The following FHIT variants were observed in gnomAD, a reference collection of about 807,000 sequenced individuals.
The protein encoded by FHIT is fragile histidine triad diadenosine triphosphatase.
In FHIT, 19 loss-of-function variants were observed where a neutral mutation model predicts 17.9. The observed-to-expected ratio is 1.06, with a 90% CI of 0.74 to 1.56. FHIT has a LOEUF of 1.56. Ranked by LOEUF, FHIT falls within the 40% of genes most tolerant of loss-of-function variation. FHIT has a pLI of 0.00. For missense variants in FHIT, 248 were observed against 189.2 expected (o/e 1.31, Z -1.82); for synonymous variants, 81 against 69.7 (o/e 1.16, Z -0.81).
intron 8 of FHIT, among the ~76,000 whole-genome samples, chr3:59,856,358 T>C (rs1401479522): frequency 3.3e-5 from 5 of 152,248 alleles, no homozygotes; most frequent in Admixed American, 3.3e-4. Context: ...CAGGTGATTT[T>C]ACACGCAAAT....
intron 4 of FHIT, among the ~76,000 whole-genome samples, chr3:60,564,459 C>G (rs1200001072): frequency 6.6e-6 from 1 of 152,158 alleles, no homozygotes; most frequent in African/African-American, 2.4e-5. Context: ...AAGGCTATAA[C>G]TGTCATGGAC....
chr3:60,346,422 G>A (rs1328479861), intron 5 of FHIT, among the ~76,000 whole-genome samples: 1 of 152,144 alleles, frequency 6.6e-6, no homozygotes, highest in Non-Finnish European at 1.5e-5. Flanking sequence ...GCCCAAAGCA[G>A]ACTGGAGCCA....
chr3:60,052,158 T>A (rs1320917347), intron 5 of FHIT, among the ~76,000 whole-genome samples: 3 of 152,170 alleles, frequency 2.0e-5, no homozygotes, highest in Admixed American at 2.0e-4. Context: ...GAATGTAGGA[T>A]GGCCACTCTT....
intron 5 of FHIT, among the ~76,000 whole-genome samples, chr3:60,323,328 T>C (rs1709519436): frequency 6.6e-6 from 1 of 152,078 alleles, no homozygotes; most frequent in Non-Finnish European, 1.5e-5. Context: ...GCCAACTACA[T>C]GGATAATAAA....
chr3:61,058,204 A>T (rs567034943), intron 2 of FHIT, among the ~76,000 whole-genome samples: 1 of 152,244 alleles, frequency 6.6e-6, no homozygotes, highest in African/African-American at 2.4e-5. Context: ...TAGGTCTATG[A>T]TTATATAAGC....
At chr3:59,926,322 A>C (rs1057501190) in intron 7 of FHIT, among the ~76,000 whole-genome samples, 6 of 152,218 alleles carry the variant, frequency 3.9e-5, no homozygotes. Flanking sequence ...GATTCACTCA[A>C]AAATATCTAT....
intron 5 of FHIT, among the ~76,000 whole-genome samples, chr3:60,433,503 A>C (rs1327393997): frequency 6.6e-6 from 1 of 152,054 alleles, no homozygotes; most frequent in Non-Finnish European, 1.5e-5. Flanking sequence ...AGTTTTCTAT[A>C]ATCATTGCAT....
Position 60,462,078 on chromosome 3 carries a change from G to A in FHIT, c.103+74782C>T, listed in dbSNP as rs566783349. ...ACTGAATGGGTGCCCCACAGTGAGT[G>A]AGGCATTTCAGCAGGACCGGGGGGA... On this transcript the variant is annotated intron_variant, in intron 5 of 9. Coordinates refer to ENST00000492590, the MANE Select transcript of FHIT (RefSeq NM_002012.4). Among the ~76,000 whole-genome samples, 6 of 152,282 alleles carry A rather than the reference G, an allele frequency of 3.9e-5. No individual in the cohort carries two copies. In the South Asian group the frequency reaches 1.2e-3, roughly 32 times the overall value.
chr3:60,699,700 T>TAAAAAAAA (rs56396940), intron 4 of FHIT, among the ~76,000 whole-genome samples: 1 of 141,188 alleles, frequency 7.1e-6, no homozygotes. Context: ...AAAAAAAAAT[T>TAAAAAAAA]AAAAAAAAAA....
chr3:59,991,274 C>T (rs527306074), intron 7 of FHIT, among the ~76,000 whole-genome samples: 4 of 152,112 alleles, frequency 2.6e-5, no homozygotes, highest in Admixed American at 1.3e-4. Flanking sequence ...CACAGTAAAC[C>T]CAATACCATA....
rs535198089 is a variant in FHIT, at chr3:60,839,901, T to G, written c.-110-17890A>C. ...AATAAAAAGTGTCTATGTGATAACATAAGGGCTTATTTAACTACGTCTTTA... is the reference window on the plus strand; with the variant it reads ...AATAAAAAGTGTCTATGTGATAACAGAAGGGCTTATTTAACTACGTCTTTA... On this transcript the variant is annotated intron_variant, in intron 3 of 9. Coordinates refer to ENST00000492590, the MANE Select transcript of FHIT (RefSeq NM_002012.4). Among the ~76,000 whole-genome samples, 8 of 152,296 alleles carry G rather than the reference T, an allele frequency of 5.3e-5. No homozygotes were observed. The South Asian group carries it at 1.4e-3, about 28-fold the overall frequency.
At chr3:61,133,476 G>C (rs944179661) in intron 2 of FHIT, among the ~76,000 whole-genome samples, 1 of 152,062 alleles carries the variant, frequency 6.6e-6, no homozygotes, top group Non-Finnish European at 1.5e-5. Context: ...GGGAAAATAG[G>C]GAGAAGAAAA....
intron 3 of FHIT, among the ~76,000 whole-genome samples, chr3:60,917,361 C>A (rs1553767319): frequency 6.6e-6 from 1 of 152,230 alleles, no homozygotes. Context: ...GACTGGCCAC[C>A]TGCCTCTCTT....
chr3:60,459,508 A>G (rs2032323699), intron 5 of FHIT, among the ~76,000 whole-genome samples: 1 of 152,228 alleles, frequency 6.6e-6, no homozygotes, highest in South Asian at 2.1e-4. Context: ...TGGGGCAGTA[A>G]TAGCTACCAC....
At chr3:60,150,843 C>A (rs1700434096) in intron 5 of FHIT, among the ~76,000 whole-genome samples, 6 of 151,666 alleles carry the variant, frequency 4.0e-5, no homozygotes, top group Admixed American at 3.9e-4. Context: ...TGCTTGAACC[C>A]AGGAGGCAGA....
At chr3:60,863,412 G>T (rs1036903624) in intron 3 of FHIT, among the ~76,000 whole-genome samples, 2 of 152,182 alleles carry the variant, frequency 1.3e-5, no homozygotes, top group Non-Finnish European at 2.9e-5. Context: ...AATGTGTGTT[G>T]TTTTAAGTCA....
chr3:60,408,065 G>A (rs551779601), intron 5 of FHIT, among the ~76,000 whole-genome samples: 1 of 152,152 alleles, frequency 6.6e-6, no homozygotes, highest in Non-Finnish European at 1.5e-5. Context: ...TTTTCCTCAA[G>A]TCTTTTCAAC....
intron 7 of FHIT, among the ~76,000 whole-genome samples, chr3:59,978,922 G>A (rs1235217601): frequency 6.6e-6 from 1 of 151,936 alleles, no homozygotes; most frequent in Non-Finnish European, 1.5e-5. Flanking sequence ...AATGTGTCAA[G>A]TTTCCAAATT....
At chr3:61,206,962 A>T (rs1353943463) in intron 1 of FHIT, among the ~76,000 whole-genome samples, 3 of 152,186 alleles carry the variant, frequency 2.0e-5, no homozygotes, top group Non-Finnish European at 4.4e-5. Context: ...GGTTTGTCAT[A>T]GATAGCTCTT....
Sources: gnomAD v4.1 joint callset for allele counts (sites outside exome capture counted in the v4.1 genomes callset) on GRCh38, gnomAD v4.1.1 for gene constraint, MANE v1.5 for transcripts, NCBI Gene and HGNC (gene_info 2026-07-23, HGNC 2026-07-21) for gene names.